COQ2: variants seen among roughly 807,000 people sequenced by gnomAD.
The protein encoded by COQ2 is coenzyme Q2, polyprenyltransferase, also known as 4-hydroxybenzoate polyprenyltransferase, mitochondrial.
A neutral mutation model predicts 35.7 loss-of-function variants in COQ2; 25 were observed. That is an observed-to-expected ratio of 0.70 (90% CI 0.51 to 0.98). COQ2 has a LOEUF of 0.98. Ranked by LOEUF, COQ2 falls within the 50% of genes least tolerant of loss-of-function variation. The probability of loss-of-function intolerance (pLI) is 0.00; values close to 1 mark genes in which losing one functional copy is unlikely to be tolerated. For synonymous variants in COQ2, 206 were observed against 186.2 expected, an observed-to-expected ratio of 1.11 and a Z score of -0.86; for missense variants, 488 against 473.5, an observed-to-expected ratio of 1.03 and a Z score of -0.28.
At chr4:83,279,372 C>T (rs1323966949) in intron 1 of COQ2, among the ~76,000 whole-genome samples, 1 of 152,046 alleles carries the variant, frequency 6.6e-6, no homozygotes, top group Non-Finnish European at 1.5e-5. Flanking sequence ...ACAAATGGCT[C>T]TTATACATAT....
chr4:83,276,068 T>TTTTATATAATATATAAAATATATA (rs1735170485), intron 2 of COQ2, among the ~76,000 whole-genome samples: 4 of 10,184 alleles, frequency 3.9e-4, no homozygotes, highest in Admixed American at 2.5e-3. Context: ...TAATATATAT[T>TTTTATATAATATATAAAATATATA]TTATATATAA....
Position 83,267,765 on chromosome 4 carries a change from C to T in COQ2, c.772G>A (p.Asp258Asn). ...DTIYAHQDKR[D>N]DVLIGLKSTA... The stretch of plus-strand genomic sequence containing the variant: ...GACTTAAGACCAATCAAAACATCAT[C>T]TCTTTTGTCCTAATATCAGAAAGAA... The change falls in exon 6 of 7, where the codon GAT (aspartate) becomes AAT (asparagine). Residue 258 changes from aspartate (D) to asparagine (N), a missense_variant. Transcript: ENST00000647002. The T allele has an allele frequency of 6.5e-7, 1 of 1,544,906 alleles. No individual in the cohort carries two copies.
At chr4:83,271,756 T>C (rs186939759) in intron 4 of COQ2, among the ~76,000 whole-genome samples, 2 of 151,786 alleles carry the variant, frequency 1.3e-5, no homozygotes, top group East Asian at 3.9e-4. Flanking sequence ...AAGGCTGCAG[T>C]AAGCTGAGAT....
At chr4:83,265,263 C>T (rs146222617) in intron 6 of COQ2, among the ~76,000 whole-genome samples, 6 of 152,282 alleles carry the variant, frequency 3.9e-5, no homozygotes, top group Non-Finnish European at 7.4e-5. Flanking sequence ...CATCTTTAAA[C>T]ACTGTATCGA....
intron 1 of COQ2, chr4:83,282,585 G>T: frequency 8.6e-6 from 8 of 929,856 alleles, no homozygotes; most frequent in Non-Finnish European, 1.0e-5. Flanking sequence ...TACACAATCT[G>T]TAAGTACAAT....
In COQ2 at chr4:83,271,430, A is replaced by G. The variant is rs1418860218; in HGVS notation, c.628+657T>C. On this transcript the variant is annotated intron_variant, in intron 4 of 6. Coordinates refer to ENST00000647002, the MANE Select transcript of COQ2 (RefSeq NM_001358921.2). The stretch of plus-strand genomic sequence containing the variant: ...ACTTTAACCCTTGTTTTCCTGCCAC[A>G]GAGTGCTTCCTACCCCATCCCCCAA... Among the ~76,000 whole-genome samples the G allele has an allele frequency of 2.0e-5, 3 of 152,310 alleles. No homozygotes were observed. The East Asian group carries it at 5.8e-4, about 29-fold the overall frequency.
chr4:83,267,562 G>A (rs1734949339), intron 6 of COQ2, 24 bp downstream of exon 6: 1 of 1,525,186 alleles, frequency 6.6e-7, no homozygotes. Flanking sequence ...GAAATATGAG[G>A]GACAAATAAG....
upstream of COQ2, chr4:83,284,841 A>G: frequency 6.4e-7 from 1 of 1,554,978 alleles, no homozygotes. Context: ...CGCAGGATGC[A>G]ATCCTAGTCT....
intron 2 of COQ2, 31 bp downstream of exon 2, chr4:83,278,917 G>A (rs1436101360): frequency 6.5e-7 from 1 of 1,534,020 alleles, no homozygotes. Flanking sequence ...ATTGAGAAGA[G>A]CCTCTCTATT....
chr4:83,280,089 C>T (rs1735284221), intron 1 of COQ2, among the ~76,000 whole-genome samples: 1 of 152,096 alleles, frequency 6.6e-6, no homozygotes, highest in Non-Finnish European at 1.5e-5. Flanking sequence ...CTTGGCCTCC[C>T]AAAGTGCTGG....
chr4:83,264,906 C>G (rs957713713), intron 6 of COQ2, among the ~76,000 whole-genome samples: 22 of 152,288 alleles, frequency 1.4e-4, no homozygotes, highest in South Asian at 6.2e-4. Context: ...CAGGACAACT[C>G]TAATGCAGGG....
chr4:83,269,948 T>C lies in COQ2; in HGVS notation c.674A>G (p.Lys225Arg), dbSNP rs1735008235. The C allele has an allele frequency of 6.2e-7, 1 of 1,613,634 alleles. No individual in the cohort carries two copies. The highest frequency in any genetic ancestry group is 8.5e-7 in the Non-Finnish European group (1 of 1,179,686). ...WGALLGWSAI[K>R]GSCDPSVCLP... ...GCAAACAGATGGATCACAGGAACCCTTGATAGCAGACCATCCAAGTAACGC... is the reference window on the plus strand; with the variant it reads ...GCAAACAGATGGATCACAGGAACCCCTGATAGCAGACCATCCAAGTAACGC... Residue 225 changes from lysine to arginine, a missense_variant, in exon 5 of 7, where the codon AAG becomes AGG. Physicochemically the swap from Lys to Arg is conservative, Grantham distance 26 (BLOSUM62 2). Transcript: ENST00000647002.
chr4:83,268,000 G>A (rs1734964408), intron 5 of COQ2, among the ~76,000 whole-genome samples: 1 of 152,140 alleles, frequency 6.6e-6, no homozygotes, highest in Non-Finnish European at 1.5e-5. Context: ...AGTAATGAAT[G>A]TGCAGGCCAA....
At chr4:83,269,725 T>A (rs1016959220) in intron 5 of COQ2, 135 bp downstream of exon 5, 24 of 807,678 alleles carry the variant, frequency 3.0e-5, no homozygotes, top group Non-Finnish European at 4.2e-5. Flanking sequence ...AAAAAAAAAA[T>A]TCTTCCTCCT....
chr4:83,278,307 T>C (rs1367899885), intron 2 of COQ2, among the ~76,000 whole-genome samples: 1 of 151,988 alleles, frequency 6.6e-6, no homozygotes, highest in African/African-American at 2.4e-5. Flanking sequence ...AGGAAATAAT[T>C]ATACACATGC....
intron 3 of COQ2, among the ~76,000 whole-genome samples, chr4:83,272,427 T>A (rs1308207695): frequency 1.3e-5 from 2 of 152,238 alleles, no homozygotes; most frequent in East Asian, 3.8e-4. Flanking sequence ...TAAGCACTAT[T>A]CTAAGTGAAT....
At chr4:83,280,002 A>G (rs917334834) in intron 1 of COQ2, among the ~76,000 whole-genome samples, 3 of 152,000 alleles carry the variant, frequency 2.0e-5, no homozygotes, top group African/African-American at 4.8e-5. Context: ...CTGGAACTAC[A>G]GGTGCAAGCC....
chr4:83,283,226 G>C (rs538066663), intron 1 of COQ2: 8 of 975,896 alleles, frequency 8.2e-6, no homozygotes, highest in African/African-American at 1.8e-5. Context: ...TTCGGGTCTT[G>C]TACGGGCAAA....
chr4:83,278,760 T>C (rs1735241985), intron 2 of COQ2, among the ~76,000 whole-genome samples, 188 bp downstream of exon 2: 1 of 152,246 alleles, frequency 6.6e-6, no homozygotes. Context: ...ACTCTTGTGT[T>C]GAGAAAGGAA....
Sources: gnomAD v4.1 joint callset for allele counts (sites outside exome capture counted in the v4.1 genomes callset) on GRCh38, gnomAD v4.1.1 for gene constraint, MANE v1.5 for transcripts, NCBI Gene and HGNC (gene_info 2026-07-23, HGNC 2026-07-21) for gene names.